Variants in FBXW10 observed in about 807,000 individuals in gnomAD.
FBXW10 encodes F-box/WD repeat-containing protein 10.
Under a neutral mutation model 113.1 loss-of-function variants are expected in FBXW10, and 68 were observed. The observed-to-expected ratio is 0.60, with a 90% CI of 0.49 to 0.74. The LOEUF is 0.74. Ranked by LOEUF, FBXW10 falls within the 30% of genes least tolerant of loss-of-function variation. FBXW10 has a pLI of 0.00. For missense variants in FBXW10, 753 were observed against 1,284.5 expected (o/e 0.59, Z 6.32); for synonymous variants, 289 against 481.6 (o/e 0.60, Z 5.24).
chr17:18,770,608 G>T (rs991537083), intron 11 of FBXW10, among the ~76,000 whole-genome samples: 6 of 152,022 alleles, frequency 3.9e-5, no homozygotes, highest in Non-Finnish European at 5.9e-5. Context: ...GGCCTGTTTT[G>T]ACTCTTAATT....
intron 7 of FBXW10, among the ~76,000 whole-genome samples, chr17:18,762,025 C>T (rs1044032669): frequency 9.2e-5 from 14 of 151,470 alleles, no homozygotes; most frequent in Non-Finnish European, 1.8e-4. Flanking sequence ...TGCAGTAGTG[C>T]GATCTCAGCT....
At chr17:18,762,592 A>C (rs945795126) in intron 7 of FBXW10, among the ~76,000 whole-genome samples, 4 of 151,262 alleles carry the variant, frequency 2.6e-5, no homozygotes, top group African/African-American at 9.7e-5. Flanking sequence ...AAAGTGCTGG[A>C]ATTACAGGCA....
At chr17:18,755,507 G>A (rs1248508342) in intron 5 of FBXW10, among the ~76,000 whole-genome samples, 3 of 151,826 alleles carry the variant, frequency 2.0e-5, no homozygotes, top group Non-Finnish European at 4.4e-5. Flanking sequence ...AGTGAGCTGA[G>A]ATCGCACCAC....
intron 7 of FBXW10, among the ~76,000 whole-genome samples, chr17:18,761,852 G>A (rs989063080): frequency 8.5e-5 from 13 of 152,134 alleles, no homozygotes; most frequent in Non-Finnish European, 1.8e-4. Context: ...GTTATTGCTG[G>A]CATAGAGAAA....
chr17:18,768,413 C>G, intron 9 of FBXW10, 121 bp from the exon 10 acceptor site: 1 of 1,326,708 alleles, frequency 7.5e-7, no homozygotes, highest in Non-Finnish European at 1.0e-6. Flanking sequence ...AGGTACCTAC[C>G]GAGTGACTGG....
At chr17:18,749,259 C>T (rs1432144170) in intron 2 of FBXW10, among the ~76,000 whole-genome samples, 1 of 152,120 alleles carries the variant, frequency 6.6e-6, no homozygotes. Context: ...CTATTCTCGG[C>T]CGAGTGCGGT....
At chr17:18,755,721 AG>A (rs1724327396) in intron 5 of FBXW10, among the ~76,000 whole-genome samples, 1 of 152,064 alleles carries the variant, frequency 6.6e-6, no homozygotes, top group African/African-American at 2.4e-5. Context: ...TTATGTTGTG[AG>A]GATACCCTTT....
intron 8 of FBXW10, 28 bp downstream of exon 8, chr17:18,764,891 A>C: frequency 6.2e-7 from 1 of 1,613,830 alleles, no homozygotes; most frequent in Admixed American, 1.7e-5. Context: ...TAAATTTTCT[A>C]AGAAGTTTCC....
At chr17:18,748,411 A>C in intron 2 of FBXW10, among the ~76,000 whole-genome samples, 1 of 70,936 alleles carries the variant, frequency 1.4e-5, no homozygotes, top group African/African-American at 4.7e-5. Flanking sequence ...ACTGTCTCAA[A>C]AAAAAAAAAA....
At position 18,769,184 on chromosome 17, in the gene FBXW10, C is replaced by T. The variant is rs2035561746; in HGVS notation, c.1847+508C>T. 4.6e-5 allele frequency among the ~76,000 whole-genome samples: 7 copies of T among 152,134 alleles called. No individual in the cohort carries two copies. In the South Asian group the frequency reaches 1.5e-3, roughly 32 times the overall value. ...TCTCCTGACCTCATGATCCACCCGC[C>T]TCAGCCTCCCAAAGTGCTGGGATTA... is the stretch of plus-strand genomic sequence containing the variant. On this transcript the variant is annotated intron_variant, in intron 10 of 13. Transcript: ENST00000395665.
intron 5 of FBXW10, among the ~76,000 whole-genome samples, chr17:18,753,885 AAAAG>A (rs955513640): frequency 1.9e-4 from 29 of 152,134 alleles, no homozygotes; most frequent in Admixed American, 9.8e-4. Flanking sequence ...TCAAAAAAAA[AAAAG>A]AAAGAGAGAG....
intron 7 of FBXW10, among the ~76,000 whole-genome samples, chr17:18,764,063 C>T (rs558353319): frequency 6.9e-6 from 1 of 145,248 alleles, no homozygotes; most frequent in Non-Finnish European, 1.5e-5. Flanking sequence ...GCCAGTGGCA[C>T]CTCCTTCCCG....
At position 18,779,127 on chromosome 17, in the gene FBXW10, C is replaced by T. The variant is rs753475598; in HGVS notation, c.2988C>T (p.His996=). ...VLLTVKEEKE[H]QEAKMKEYQA... ...TGACCGTGAAGGAGGAGAAGGAGCACCAGGAAGCCAAGATGAAGGAATATC... is the reference window on the plus strand; with the variant it reads ...TGACCGTGAAGGAGGAGAAGGAGCATCAGGAAGCCAAGATGAAGGAATATC... Residue 996 remains histidine (H), a synonymous_variant, in exon 14 of 14, where the codon CAC becomes CAT. Coordinates refer to ENST00000395665, the MANE Select transcript of FBXW10 (RefSeq NM_001267585.2). 3.0e-6 allele frequency: 4 copies of T among 1,346,208 alleles called. No homozygotes were observed. In the African/African-American group the frequency reaches 6.5e-5, roughly 22 times the overall value. The allele number at this position is 1,346,208 out of a possible 1,614,324, so 83.4% of individuals were successfully genotyped here.
intron 6 of FBXW10, among the ~76,000 whole-genome samples, 164 bp from the exon 7 acceptor site, chr17:18,758,141 C>G (rs2151804892): frequency 6.6e-6 from 1 of 152,310 alleles, no homozygotes; most frequent in African/African-American, 2.4e-5. Context: ...GGGGATCCCT[C>G]AAGGCCTGTT....
At position 18,768,968 on chromosome 17, in the gene FBXW10, G is replaced by A. The variant is rs1265406289; in HGVS notation, c.1847+292G>A. Among the ~76,000 whole-genome samples, 4 of 122,348 alleles carry A rather than the reference G, an allele frequency of 3.3e-5. No individual in the cohort carries two copies. In the Admixed American group the frequency reaches 3.3e-4, roughly 10 times the overall value. The allele number at this position is 122,348 out of a possible 152,430, so 80.3% of individuals were successfully genotyped here. A position where few individuals can be genotyped will look rare whatever the true frequency, so the allele number is the denominator to read the frequency against. The stretch of plus-strand genomic sequence containing the variant: ...TTTTTTTTTTTTGAGACAGAGTCTC[G>A]CTCTGTTGCCAGGCTGGAGTGCAGT... On this transcript the variant is annotated intron_variant, in intron 10 of 13. Transcript: ENST00000395665.
intron 4 of FBXW10, 89 bp from the exon 5 acceptor site, chr17:18,750,842 C>G: frequency 6.9e-7 from 1 of 1,458,458 alleles, no homozygotes; most frequent in Non-Finnish European, 9.2e-7. Context: ...TTGCCAAGAA[C>G]TAGTTTTTCC....
At chr17:18,773,844 C>T (rs2035657970) in intron 12 of FBXW10, among the ~76,000 whole-genome samples, 1 of 152,168 alleles carries the variant, frequency 6.6e-6, no homozygotes, top group Non-Finnish European at 1.5e-5. Flanking sequence ...AAAGAGTTTA[C>T]CCGAGTGCAA....
chr17:18,776,300 G>A lies in FBXW10; in HGVS notation c.2335+1108G>A, dbSNP rs985472558. ...ATCGTGCCACTGCAACTCTAGCCTG[G>A]GTGACAGAGCAAGATTCCGTTTAAA... On this transcript the variant is annotated intron_variant, in intron 13 of 13. Coordinates refer to ENST00000395665, the MANE Select transcript of FBXW10 (RefSeq NM_001267585.2). Among the ~76,000 whole-genome samples, 3 of 152,160 alleles carry A rather than the reference G, an allele frequency of 2.0e-5. No individual in the cohort carries two copies. In the East Asian group the frequency reaches 5.8e-4, roughly 29 times the overall value.
chr17:18,769,732 G>A lies in FBXW10; in HGVS notation c.1848-195G>A, dbSNP rs533801135. ...GTGGGGGTTGCAGTGAGCCAAGATC[G>A]CACCGTTGCACTCCAGCCTGGGCAA... On this transcript the variant is annotated intron_variant, in intron 10 of 13. Transcript: ENST00000395665. 1.3e-4 allele frequency: 77 copies of A among 591,542 alleles called. No individual in the cohort carries two copies. In the African/African-American group the frequency reaches 1.3e-3, roughly 10 times the overall value. 36.6% of individuals were successfully genotyped at this position (591,542 alleles called of 1,614,324 possible).
Sources: gnomAD v4.1 joint callset for allele counts (sites outside exome capture counted in the v4.1 genomes callset) on GRCh38, gnomAD v4.1.1 for gene constraint, MANE v1.5 for transcripts, NCBI Gene and HGNC (gene_info 2026-07-23, HGNC 2026-07-21) for gene names.